FTO: variants seen among roughly 807,000 people sequenced by gnomAD.
The protein encoded by FTO is alpha-ketoglutarate-dependent dioxygenase FTO.
A neutral mutation model predicts 63.9 loss-of-function variants in FTO; 47 were observed. That is an observed-to-expected ratio of 0.74 (90% CI 0.58 to 0.94). The LOEUF (loss-of-function observed/expected upper bound fraction) is 0.94, where lower values mean the gene tolerates loss of function less well. Among genes scored for constraint, FTO ranks in the 40% least tolerant of loss-of-function variants. FTO has a pLI of 0.00. For synonymous variants in FTO, 207 were observed against 224.4 expected (o/e 0.92, Z 0.69); for missense variants, 562 against 618.1 (o/e 0.91, Z 0.96).
chr16:54,084,660 A>T (rs1275997796), intron 8 of FTO, among the ~76,000 whole-genome samples: 1 of 151,944 alleles, frequency 6.6e-6, no homozygotes, highest in African/African-American at 2.4e-5. Flanking sequence ...GGTCACACAG[A>T]GGGGACAGAA....
chr16:53,928,334 G>T (rs926086711), intron 7 of FTO, among the ~76,000 whole-genome samples: 1 of 152,140 alleles, frequency 6.6e-6, no homozygotes, highest in African/African-American at 2.4e-5. Flanking sequence ...AGGGGAGGGA[G>T]AATGTGTTTT....
chr16:54,016,926 A>G (rs2084462882), intron 8 of FTO, among the ~76,000 whole-genome samples: 1 of 152,180 alleles, frequency 6.6e-6, no homozygotes, highest in African/African-American at 2.4e-5. Flanking sequence ...CCAGAGATTT[A>G]TATATTTAAA....
chr16:53,915,154 C>G (rs1003536632), intron 7 of FTO, among the ~76,000 whole-genome samples: 2 of 152,120 alleles, frequency 1.3e-5, no homozygotes, highest in African/African-American at 4.8e-5. Context: ...CATTTTGTTC[C>G]TTTGACCTGT....
chr16:54,109,915 A>G (rs543707125), intron 8 of FTO, among the ~76,000 whole-genome samples: 9 of 152,108 alleles, frequency 5.9e-5, no homozygotes, highest in Admixed American at 2.0e-4. Context: ...TGCACGGACA[A>G]TTTATCCACT....
intron 2 of FTO, among the ~76,000 whole-genome samples, chr16:53,824,930 C>T (rs745782618): frequency 2.0e-5 from 3 of 152,094 alleles, no homozygotes; most frequent in Admixed American, 1.3e-4. Context: ...AAGTGGTAGC[C>T]GAAAAGCTAA....
chr16:53,915,768 G>A (rs969479449), intron 7 of FTO, among the ~76,000 whole-genome samples: 14 of 152,188 alleles, frequency 9.2e-5, no homozygotes, highest in African/African-American at 2.9e-4. Flanking sequence ...CAATTTCAGC[G>A]TGAAAGGGCT....
At chr16:54,080,229 G>A (rs2086109284) in intron 8 of FTO, among the ~76,000 whole-genome samples, 1 of 152,166 alleles carries the variant, frequency 6.6e-6, no homozygotes, top group African/African-American at 2.4e-5. Context: ...TCTAAAAAAA[G>A]CAAAGAAAAG....
intron 8 of FTO, among the ~76,000 whole-genome samples, chr16:53,966,111 G>A (rs139198525): frequency 1.7e-3 from 256 of 152,174 alleles, no homozygotes; most frequent in African/African-American, 5.5e-3. Flanking sequence ...CAAGTGATCC[G>A]CCCACCTTGT....
chr16:54,000,527 C>G (rs141863287), intron 8 of FTO, among the ~76,000 whole-genome samples: 1 of 152,262 alleles, frequency 6.6e-6, no homozygotes, highest in East Asian at 1.9e-4. Flanking sequence ...TTTGATTTCT[C>G]TGATTATAAG....
At position 54,111,556 on chromosome 16, in the gene FTO, C is replaced by A. The variant is rs373648230; in HGVS notation, c.1365-206C>A. Among the ~76,000 whole-genome samples, 21 of 152,244 alleles carry A rather than the reference C, an allele frequency of 1.4e-4. 1 individual carries two copies. The East Asian group carries it at 2.7e-3, about 20-fold the overall frequency. On this transcript the variant is annotated intron_variant, in intron 8 of 8. Coordinates refer to ENST00000471389, the MANE Select transcript of FTO (RefSeq NM_001080432.3). ...GATAATACAAATCTGGGAGTCAAAG[C>A]AAAGGAAGTCCCAACACCATCAGAA... is the stretch of plus-strand genomic sequence containing the variant.
At chr16:54,081,928 C>T (rs1184278491) in intron 8 of FTO, among the ~76,000 whole-genome samples, 6 of 152,162 alleles carry the variant, frequency 3.9e-5, no homozygotes, top group Admixed American at 1.3e-4. Flanking sequence ...TAAGTGAGTT[C>T]GTTCAACAGG....
chr16:53,748,339 ATTAATGTT>A (rs2076695730), intron 1 of FTO, among the ~76,000 whole-genome samples: 1 of 152,104 alleles, frequency 6.6e-6, no homozygotes, highest in Admixed American at 6.5e-5. Context: ...AGTATCTTTC[ATTAATGTT>A]TTATTGTTTT....
upstream of FTO, chr16:53,704,155 T>G: frequency 6.4e-7 from 1 of 1,551,252 alleles, no homozygotes. Flanking sequence ...CTACGCAGCT[T>G]GCGGTGGCGA....
chr16:53,804,506 T>C (rs2078304552), intron 1 of FTO, among the ~76,000 whole-genome samples: 1 of 152,148 alleles, frequency 6.6e-6, no homozygotes, highest in South Asian at 2.1e-4. Flanking sequence ...GAGAGGGAAG[T>C]TTTTCGTAGG....
At chr16:53,874,614 A>T (rs1187695186) in intron 5 of FTO, among the ~76,000 whole-genome samples, 1 of 152,112 alleles carries the variant, frequency 6.6e-6, no homozygotes, top group Non-Finnish European at 1.5e-5. Context: ...AGTGTGAGAA[A>T]ATTGGGCGGA....
intron 2 of FTO, among the ~76,000 whole-genome samples, chr16:53,813,228 T>C (rs555049313): frequency 6.6e-6 from 1 of 152,102 alleles, no homozygotes; most frequent in South Asian, 2.1e-4. Flanking sequence ...TTTTTTTTTT[T>C]TGAGACAGCA....
chr16:53,782,652 A>G (rs1185909918), intron 1 of FTO, among the ~76,000 whole-genome samples: 1 of 152,204 alleles, frequency 6.6e-6, no homozygotes, highest in Non-Finnish European at 1.5e-5. Context: ...AGGTCATTCA[A>G]CTGGTATAGT....
At chr16:54,062,071 G>T (rs559576576) in intron 8 of FTO, among the ~76,000 whole-genome samples, 111 of 152,302 alleles carry the variant, frequency 7.3e-4, no homozygotes, top group African/African-American at 2.6e-3. Context: ...GCATCACGTT[G>T]CTGTCAAAAT....
At chr16:54,111,109 T>C (rs1284006106) in intron 8 of FTO, among the ~76,000 whole-genome samples, 1 of 152,212 alleles carries the variant, frequency 6.6e-6, no homozygotes, top group African/African-American at 2.4e-5. Flanking sequence ...GATTTAAGTG[T>C]TTTCCTTAGG....
Sources: gnomAD v4.1 joint callset for allele counts (sites outside exome capture counted in the v4.1 genomes callset) on GRCh38, gnomAD v4.1.1 for gene constraint, MANE v1.5 for transcripts, NCBI Gene and HGNC (gene_info 2026-07-23, HGNC 2026-07-21) for gene names.